The following ZNF90 variants were observed in gnomAD, a reference collection of about 807,000 sequenced individuals.
ZNF90 encodes the protein zinc finger protein HTF9.
Under a neutral mutation model 12.0 loss-of-function variants are expected in ZNF90, and 11 were observed. The observed-to-expected ratio is 0.92, with a 90% confidence interval of 0.58 to 1.52. The LOEUF (loss-of-function observed/expected upper bound fraction) is 1.52. Ranked by LOEUF, ZNF90 falls within the 40% of genes most tolerant of loss-of-function variation. The pLI is 0.00. For missense variants in ZNF90, 765 were observed against 711.5 expected (o/e 1.08, Z -0.86); for synonymous variants, 232 against 240.1 (o/e 0.97, Z 0.31).
intron 3 of ZNF90, among the ~76,000 whole-genome samples, chr19:20,105,753 GT>G: frequency 6.6e-6 from 1 of 152,234 alleles, no homozygotes; most frequent in South Asian, 2.1e-4. Flanking sequence ...GGTCCATTCT[GT>G]TTTTATTACT....
chr19:20,078,694 TCTC>T (rs1193434949), intron 1 of ZNF90, among the ~76,000 whole-genome samples: 13 of 152,068 alleles, frequency 8.5e-5, no homozygotes, highest in African/African-American at 3.1e-4. Context: ...TCTTCTCCCT[TCTC>T]CTTTTCTCAC....
chr19:20,085,866 T>A (rs1555701977), intron 1 of ZNF90, among the ~76,000 whole-genome samples: 2 of 152,220 alleles, frequency 1.3e-5, no homozygotes, highest in Non-Finnish European at 2.9e-5. Flanking sequence ...ATTTATTACT[T>A]TGTTTTTGCT....
chr19:20,106,655 G>A (rs901392307), intron 3 of ZNF90, among the ~76,000 whole-genome samples: 4 of 152,288 alleles, frequency 2.6e-5, no homozygotes, highest in South Asian at 2.1e-4. Context: ...GGGTTTCACC[G>A]TGTTAGCCTG....
rs541307006 is a variant in ZNF90 at position 20,103,355 on chromosome 19, C to A, written c.4-884C>A. On this transcript the variant is annotated intron_variant, in intron 1 of 3. Transcript: ENST00000418063. ...GGAACCAGCAAGTCTAGACACATTC[C>A]AGAGGACATTATGTCAGTCATGCAA... is the stretch of plus-strand genomic sequence containing the variant. Among the ~76,000 whole-genome samples the A allele has an allele frequency of 4.5e-4, 68 of 152,286 alleles. 1 individual carries two copies. The highest frequency in any genetic ancestry group is 1.6e-3 in the African/African-American group (67 of 41,552).
intron 3 of ZNF90, among the ~76,000 whole-genome samples, chr19:20,114,086 A>G (rs2089115568): frequency 1.3e-5 from 2 of 152,178 alleles, no homozygotes; most frequent in Admixed American, 1.3e-4. Flanking sequence ...AGGTCAGAAG[A>G]TCGTGACCAT....
chr19:20,117,528 C>T (rs2089151065), intron 3 of ZNF90: 2 of 950,806 alleles, frequency 2.1e-6, no homozygotes, highest in Non-Finnish European at 1.2e-6. Flanking sequence ...ATCTCCGCCT[C>T]CCAGGCTCAA....
At chr19:20,089,266 G>T (rs2088883518) in intron 1 of ZNF90, among the ~76,000 whole-genome samples, 1 of 152,174 alleles carries the variant, frequency 6.6e-6, no homozygotes, top group Non-Finnish European at 1.5e-5. Context: ...TATTTTCGGG[G>T]CTGGGTATAA....
In ZNF90 at chr19:20,105,247, A is replaced by G; in HGVS notation, c.157A>G (p.Ile53Val). 2.5e-6 allele frequency: 4 copies of G among 1,606,558 alleles called. No individual in the cohort carries two copies. Among genetic ancestry groups the G allele is most frequent in the Non-Finnish European group, 3.4e-6 (4 of 1,176,552 alleles). The change falls in exon 3 of 4, where the codon ATC becomes GTC. Residue 53 changes from isoleucine (I) to valine (V), a missense_variant. Ile to Val is a conservative substitution (Grantham distance 29, BLOSUM62 3). Coordinates refer to ENST00000418063, the MANE Select transcript of ZNF90 (RefSeq NM_007138.2). ...TATTGTTGTCACTAAGCCAGACCTG[A>G]TCACCTGTCTGGAGCAAGGAAAAAA... Reference protein sequence around the residue: ...LGIVVTKPDLITCLEQGKKPF... With the variant: ...LGIVVTKPDLVTCLEQGKKPF...
chr19:20,095,086 TGTAGAAAAGG>T (rs2088932680), intron 1 of ZNF90, among the ~76,000 whole-genome samples: 1 of 151,778 alleles, frequency 6.6e-6, no homozygotes, highest in Admixed American at 6.6e-5. Flanking sequence ...CAGATGGGTC[TGTAGAAAAGG>T]AAGACTGGAA....
chr19:20,103,013 G>A (rs1167225497), intron 1 of ZNF90, among the ~76,000 whole-genome samples: 4 of 152,054 alleles, frequency 2.6e-5, no homozygotes, highest in Non-Finnish European at 1.5e-5. Context: ...GAATATGTTG[G>A]GGTGGCCAGA....
intron 1 of ZNF90, among the ~76,000 whole-genome samples, chr19:20,090,263 C>G (rs1555702601): frequency 1.3e-5 from 2 of 152,050 alleles, no homozygotes; most frequent in African/African-American, 4.8e-5. Flanking sequence ...GTGGGGGTGA[C>G]TTCGTAAAGC....
intron 1 of ZNF90, among the ~76,000 whole-genome samples, chr19:20,094,950 G>A (rs2088931101): frequency 6.6e-6 from 1 of 152,164 alleles, no homozygotes; most frequent in African/African-American, 2.4e-5. Flanking sequence ...GAACTAAACT[G>A]TAAGCCGGAC....
chr19:20,113,497 CA>C (rs1423311998), intron 3 of ZNF90, among the ~76,000 whole-genome samples: 2 of 151,258 alleles, frequency 1.3e-5, no homozygotes, highest in African/African-American at 4.8e-5. Flanking sequence ...CAGCTTGTAA[CA>C]GTGTTTTTAA....
intron 3 of ZNF90, among the ~76,000 whole-genome samples, chr19:20,113,760 A>G (rs963919213): frequency 7.2e-5 from 11 of 151,990 alleles, no homozygotes; most frequent in South Asian, 2.1e-4. Flanking sequence ...CCCGGGAGGC[A>G]GAGCTTGCAG....
chr19:20,112,503 G>T (rs782273082), intron 3 of ZNF90, among the ~76,000 whole-genome samples: 14 of 151,844 alleles, frequency 9.2e-5, no homozygotes, highest in Non-Finnish European at 1.6e-4. Context: ...TGCATTTTTA[G>T]TAGAGACGGG....
At chr19:20,080,400 C>G (rs750229480) in intron 1 of ZNF90, 56 of 408,286 alleles carry the variant, frequency 1.4e-4, no homozygotes, top group Non-Finnish European at 2.4e-4. Flanking sequence ...TCCCCACAAA[C>G]GGACTGTGTG....
chr19:20,116,379 A>T (rs2089137579), intron 3 of ZNF90, among the ~76,000 whole-genome samples: 2 of 152,186 alleles, frequency 1.3e-5, no homozygotes, highest in African/African-American at 4.8e-5. Flanking sequence ...CATGTTCTCT[A>T]GGCTGGTCTC....
At chr19:20,081,745 GT>G (rs995826929) in intron 1 of ZNF90, among the ~76,000 whole-genome samples, 1 of 150,842 alleles carries the variant, frequency 6.6e-6, no homozygotes, top group Admixed American at 6.6e-5. Context: ...ACAGGGATTT[GT>G]TTTTTTTCTT....
intron 1 of ZNF90, among the ~76,000 whole-genome samples, chr19:20,103,108 G>T (rs1186744791): frequency 6.6e-6 from 1 of 152,160 alleles, no homozygotes; most frequent in Non-Finnish European, 1.5e-5. Context: ...GAGAGAGAAA[G>T]GTGGGACACC....
Sources: allele counts gnomAD v4.1 joint callset (sites outside exome capture counted in the v4.1 genomes callset), GRCh38; gene constraint gnomAD v4.1.1; transcripts MANE v1.5; gene names NCBI Gene and HGNC (gene_info 2026-07-23, HGNC 2026-07-21).